GSTZ1: variants seen among roughly 807,000 people sequenced by gnomAD.
GSTZ1 encodes glutathione S-transferase zeta 1.
In GSTZ1, 34 loss-of-function variants were observed where a neutral mutation model predicts 35.9. The ratio of observed to expected loss-of-function variants is 0.95; its 90% CI spans 0.72 to 1.26. The LOEUF (loss-of-function observed/expected upper bound fraction) is 1.26, where lower values mean the gene tolerates loss of function less well. Among genes scored for constraint, GSTZ1 ranks in the 50% most tolerant of loss-of-function variants. The pLI is 0.00. For synonymous variants in GSTZ1, 93 were observed against 101.2 expected, an observed-to-expected ratio of 0.92 and a Z score of 0.49; for missense variants, 263 against 271.7, an observed-to-expected ratio of 0.97 and a Z score of 0.23.
intron 1 of GSTZ1, chr14:77,323,037 T>G (rs1308795783): frequency 6.6e-6 from 1 of 152,234 alleles, no homozygotes; most frequent in Non-Finnish European, 1.5e-5. Flanking sequence ...GAGTCTTTCC[T>G]GGGTTCCACT....
intron 1 of GSTZ1, 116 bp downstream of exon 1, chr14:77,321,299 A>G (rs367550130): frequency 2.0e-6 from 3 of 1,524,602 alleles, no homozygotes; most frequent in African/African-American, 1.4e-5. Context: ...CCCGGCATGC[A>G]GTGCTTTGCG....
intron 2 of GSTZ1, 29 bp downstream of exon 2, chr14:77,324,950 T>C (rs938273316): frequency 2.5e-6 from 4 of 1,590,340 alleles, no homozygotes; most frequent in Non-Finnish European, 3.5e-6. Flanking sequence ...CCAGGATGAG[T>C]GCTGGAGTGG....
intron 1 of GSTZ1, 107 bp from the exon 2 acceptor site, chr14:77,324,763 G>A (rs1446454063): frequency 6.5e-6 from 8 of 1,228,588 alleles, no homozygotes; most frequent in African/African-American, 1.5e-5. Context: ...CACAGATGCA[G>A]GCCTGAGAGA....
intron 1 of GSTZ1, among the ~76,000 whole-genome samples, chr14:77,322,126 C>T (rs890511693): frequency 3.9e-5 from 6 of 152,194 alleles, no homozygotes; most frequent in African/African-American, 1.4e-4. Context: ...GACTTTGCGT[C>T]ACGTTAATAA....
rs139988590 is a variant in GSTZ1, at chr14:77,321,432, C to T, written c.15+249C>T. On this transcript the variant is annotated intron_variant, in intron 1 of 8. Coordinates refer to ENST00000216465, the MANE Select transcript of GSTZ1 (RefSeq NM_145870.3). The stretch of plus-strand genomic sequence containing the variant: ...TAGCAGGGTGGAGTCGCTGTCCGGT[C>T]GCGCTTCACTTCTGCTCCGCCCTCC... 3,304 of 1,525,140 alleles carry T rather than the reference C, an allele frequency of 2.2e-3. 6 individuals carry two copies. Among genetic ancestry groups the T allele is most frequent in the Non-Finnish European group, 2.7e-3 (3,047 of 1,140,150 alleles). 94.5% of individuals were successfully genotyped at this position (1,525,140 alleles called of 1,614,324 possible).
intron 3 of GSTZ1, 117 bp downstream of exon 3, chr14:77,327,022 C>T: frequency 1.3e-6 from 1 of 747,134 alleles, no homozygotes; most frequent in Non-Finnish European, 2.3e-6. Context: ...TGTGGACTAT[C>T]ACTGCAGGAG....
chr14:77,323,186 T>C (rs1157504645), intron 1 of GSTZ1: 1 of 152,150 alleles, frequency 6.6e-6, no homozygotes, highest in Admixed American at 6.5e-5. Flanking sequence ...ATATGGGCCA[T>C]GGCAGACCTG....
rs3087524 is a variant in GSTZ1, at chr14:77,321,146, G to T, written c.-23G>T. 4 of 1,454,270 alleles carry T rather than the reference G, an allele frequency of 2.8e-6. No homozygotes were observed. In the East Asian group the frequency reaches 1.0e-4, roughly 37 times the overall value. The allele number at this position is 1,454,270 out of a possible 1,614,324, so 90.1% of individuals were successfully genotyped here. On this transcript the variant is annotated 5_prime_UTR_variant, in exon 1 of 9. Coordinates refer to ENST00000216465, the MANE Select transcript of GSTZ1 (RefSeq NM_145870.3). ...AGGCGCGAAGTTTCTCGGCCTGGAG[G>T]AGGGGGTCGCGCGAAGTGCCAGATG...
intron 1 of GSTZ1, 59 bp downstream of exon 1, chr14:77,321,242 G>A (rs1223096116): frequency 4.6e-6 from 7 of 1,535,054 alleles, no homozygotes; most frequent in East Asian, 2.5e-5. Flanking sequence ...ACCCTGGGGG[G>A]CGGGGTCAGA....
chr14:77,321,090 T>G lies in GSTZ1; in HGVS notation c.-79T>G. 1.5e-6 allele frequency: 2 copies of G among 1,350,020 alleles called. No individual in the cohort carries two copies. Among genetic ancestry groups the G allele is most frequent in the East Asian group, 2.7e-5 (1 of 37,640 alleles). 83.6% of individuals were successfully genotyped at this position (1,350,020 alleles called of 1,614,324 possible). A position where few individuals can be genotyped will look rare whatever the true frequency, so the allele number is the denominator to read the frequency against. ...AAAGACACGGGCCTGATTCGTCGAG[T>G]CTCACTGAGCCTTAGTCGTCGGCAG... On this transcript the variant is annotated 5_prime_UTR_variant, in exon 1 of 9. Transcript: ENST00000216465.
At chr14:77,322,278 T>A (rs1892057103) in intron 1 of GSTZ1, among the ~76,000 whole-genome samples, 1 of 152,204 alleles carries the variant, frequency 6.6e-6, no homozygotes, top group African/African-American at 2.4e-5. Context: ...GGAGTGCTGA[T>A]GAGATGGATA....
At chr14:77,325,611 T>C (rs1050299590) in intron 2 of GSTZ1, 1 of 152,326 alleles carries the variant, frequency 6.6e-6, no homozygotes, top group African/African-American at 2.4e-5. Flanking sequence ...GAACTGGAAT[T>C]TGAACCAGGT....
intron 6 of GSTZ1, 59 bp downstream of exon 6, chr14:77,329,260 A>C (rs1892487737): frequency 1.8e-6 from 2 of 1,101,732 alleles, no homozygotes; most frequent in East Asian, 4.7e-5. Flanking sequence ...TGGCCCTCGC[A>C]CACAGGGGCC....
rs375248787 is a variant in GSTZ1 at position 77,321,345 on chromosome 14, C to T, written c.15+162C>T. 3.9e-6 allele frequency: 6 copies of T among 1,533,690 alleles called. No individual in the cohort carries two copies. In the East Asian group the frequency reaches 1.5e-4, roughly 38 times the overall value. Reference sequence around the variant, plus strand: ...TCTGCGCCTGCGTGCTGCGCGCTGCCCGCTGGGGCTCGAAGTTCCGGGAGG... The same window carrying T: ...TCTGCGCCTGCGTGCTGCGCGCTGCTCGCTGGGGCTCGAAGTTCCGGGAGG... On this transcript the variant is annotated intron_variant, in intron 1 of 8. Coordinates refer to ENST00000216465, the MANE Select transcript of GSTZ1 (RefSeq NM_145870.3).
Position 77,324,862 on chromosome 14 carries a change from C to T in GSTZ1, c.16-8C>T, listed in dbSNP as rs772098194. On this transcript the variant is annotated splice_polypyrimidine_tract_variant and splice_region_variant and intron_variant, in intron 1 of 8. Coordinates refer to ENST00000216465, the MANE Select transcript of GSTZ1 (RefSeq NM_145870.3). ...GTTAACACGCGCCTTCATCCTCTCT[C>T]TCCTCAGCCCATCCTCTATTCCTAT... The T allele has an allele frequency of 1.7e-5, 27 of 1,613,784 alleles. No individual in the cohort carries two copies. The highest frequency in any genetic ancestry group is 2.2e-5 in the Non-Finnish European group (26 of 1,179,732).
Position 77,331,297 on chromosome 14 carries a change from G to T in GSTZ1, c.*102G>T. 1.5e-6 allele frequency: 2 copies of T among 1,321,358 alleles called. No individual in the cohort carries two copies. The highest frequency in any genetic ancestry group is 2.4e-5 in the East Asian group (1 of 41,388). 81.9% of individuals were successfully genotyped at this position (1,321,358 alleles called of 1,614,324 possible). ...TCTTAATTGAGGAGATGGGAGACTCGAACTCTAGCCCTGGATCTGCCTTCC... is the reference window on the plus strand; with the variant it reads ...TCTTAATTGAGGAGATGGGAGACTCTAACTCTAGCCCTGGATCTGCCTTCC... On this transcript the variant is annotated 3_prime_UTR_variant, in exon 9 of 9. Transcript: ENST00000216465.
chr14:77,325,223 C>T (rs1326335646), intron 2 of GSTZ1: 2 of 371,056 alleles, frequency 5.4e-6, no homozygotes, highest in Non-Finnish European at 1.0e-5. Context: ...AATCCACATG[C>T]CCCTGGTAAC....
Position 77,331,228 on chromosome 14 carries a change from C to T in GSTZ1, c.*33C>T. The T allele has an allele frequency of 6.3e-7, 1 of 1,594,778 alleles. No individual in the cohort carries two copies. Among genetic ancestry groups the T allele is most frequent in the Non-Finnish European group, 8.6e-7 (1 of 1,168,304 alleles). ...ATCCTGCCCCGTTGGCACAGGGCCA[C>T]AGGAGCAGAAGCTGGGTGGGCTGAA... On this transcript the variant is annotated 3_prime_UTR_variant, in exon 9 of 9. Transcript: ENST00000216465.
chr14:77,328,164 C>A, intron 5 of GSTZ1, 127 bp downstream of exon 5: 1 of 914,740 alleles, frequency 1.1e-6, no homozygotes, highest in Non-Finnish European at 1.7e-6. Flanking sequence ...GGGCCTCTGA[C>A]CTGGACCATG....
Sources: gnomAD v4.1 joint callset for allele counts (sites outside exome capture counted in the v4.1 genomes callset) on GRCh38, gnomAD v4.1.1 for gene constraint, MANE v1.5 for transcripts, NCBI Gene and HGNC (gene_info 2026-07-23, HGNC 2026-07-21) for gene names.